The following AFF3 variants were observed in gnomAD, a reference collection of about 807,000 sequenced individuals.
AFF3 encodes AF4/FMR2 family member 3.
A neutral mutation model predicts 129.7 loss-of-function variants in AFF3; 32 were observed. The ratio of observed to expected loss-of-function variants is 0.25; its 90% CI spans 0.19 to 0.33. The LOEUF is 0.33. AFF3 is among the 10% of genes least tolerant of loss of function. The pLI is 1.00. For missense variants in AFF3, 1,373 were observed against 1,592.0 expected, an observed-to-expected ratio of 0.86 and a Z score of 2.34; for synonymous variants, 644 against 635.4, an observed-to-expected ratio of 1.01 and a Z score of -0.20.
intron 8 of AFF3, among the ~76,000 whole-genome samples, chr2:99,813,955 A>G (rs1445187790): frequency 2.0e-5 from 3 of 152,194 alleles, no homozygotes; most frequent in Admixed American, 1.3e-4. Flanking sequence ...TTTCTGACTA[A>G]GAGCAAACAA....
At chr2:100,003,326 G>T (rs551278462) in intron 7 of AFF3, among the ~76,000 whole-genome samples, 1 of 152,208 alleles carries the variant, frequency 6.6e-6, no homozygotes, top group Non-Finnish European at 1.5e-5. Context: ...GTGTGTGTGT[G>T]AACAAAAAAT....
At chr2:100,104,686 G>T (rs1474904453) in intron 3 of AFF3, 168 bp from the exon 4 acceptor site, 2 of 968,934 alleles carry the variant, frequency 2.1e-6, no homozygotes, top group African/African-American at 3.9e-5. Flanking sequence ...CGGCTTGCGC[G>T]CAGGCACACT....
At chr2:99,788,532 G>A (rs531835226) in intron 8 of AFF3, among the ~76,000 whole-genome samples, 5 of 152,300 alleles carry the variant, frequency 3.3e-5, no homozygotes, top group East Asian at 3.9e-4. Context: ...TTGAATAGTC[G>A]TACAGTGTTG....
chr2:99,928,615 A>T (rs916775127), intron 7 of AFF3, among the ~76,000 whole-genome samples: 2 of 152,226 alleles, frequency 1.3e-5, no homozygotes, highest in Non-Finnish European at 2.9e-5. Context: ...GTGTAAACTA[A>T]GTTAGGTTCC....
At chr2:99,587,088 T>C (rs111480469) in intron 16 of AFF3, 66 bp downstream of exon 16, 4 of 1,600,724 alleles carry the variant, frequency 2.5e-6, no homozygotes, top group Middle Eastern at 2.1e-4. Flanking sequence ...TCCTCCAACA[T>C]AGCAGGTGAC....
intron 8 of AFF3, among the ~76,000 whole-genome samples, chr2:99,763,156 T>G (rs939372621): frequency 3.9e-5 from 6 of 152,210 alleles, no homozygotes; most frequent in Non-Finnish European, 7.3e-5. Context: ...CAGTGTGCAT[T>G]CTGCCTGTCA....
Position 100,007,270 on chromosome 2 carries a change from G to A in AFF3, c.365C>T (p.Pro122Leu). Reference protein sequence around the residue: ...FVADSRAQNQPSSICSTTTST... With the variant: ...FVADSRAQNQLSSICSTTTST... ...AGTTGTAGTGCTACAGATAGACGAG[G>A]GCTGGTTCTGGGCTCTTGAATCTGC... Residue 122 changes from proline (P) to leucine (L), a missense_variant, in exon 6 of 25, where the codon CCC (proline) becomes CTC (leucine). This residue lies in a region of AFF3 where 255 missense variants were observed against 256.0 expected (regional missense o/e 1.00). Transcript: ENST00000672756. 2 of 1,614,024 alleles carry A rather than the reference G, an allele frequency of 1.2e-6. No individual in the cohort carries two copies. Among genetic ancestry groups the A allele is most frequent in the Non-Finnish European group, 1.7e-6 (2 of 1,180,018 alleles).
chr2:99,797,979 A>G (rs1205811727), intron 8 of AFF3, among the ~76,000 whole-genome samples: 2 of 152,072 alleles, frequency 1.3e-5, no homozygotes, highest in African/African-American at 2.4e-5. Context: ...AATAAAGAGA[A>G]CTGAAAAATG....
chr2:99,611,706 G>C (rs887759229), intron 13 of AFF3, among the ~76,000 whole-genome samples: 1 of 152,054 alleles, frequency 6.6e-6, no homozygotes, highest in Non-Finnish European at 1.5e-5. Flanking sequence ...GGCCAACATG[G>C]TAAAACCCCA....
intron 4 of AFF3, among the ~76,000 whole-genome samples, chr2:100,062,176 T>C (rs1467781651): frequency 1.3e-5 from 2 of 152,084 alleles, no homozygotes; most frequent in African/African-American, 4.8e-5. Flanking sequence ...GCAGATCTCA[T>C]AAAATCAGAA....
At chr2:99,923,153 C>A (rs1462043082) in intron 7 of AFF3, among the ~76,000 whole-genome samples, 1 of 152,164 alleles carries the variant, frequency 6.6e-6, no homozygotes, top group Non-Finnish European at 1.5e-5. Flanking sequence ...GGAAGCACAG[C>A]AGTACTGAGC....
chr2:99,823,716 A>T (rs974542872), intron 8 of AFF3, among the ~76,000 whole-genome samples: 3 of 152,244 alleles, frequency 2.0e-5, no homozygotes, highest in African/African-American at 7.2e-5. Context: ...GCCCTTCAAC[A>T]GTGGACTGGA....
chr2:99,758,111 T>A (rs546157913), intron 8 of AFF3, among the ~76,000 whole-genome samples: 2 of 152,300 alleles, frequency 1.3e-5, no homozygotes, highest in South Asian at 4.1e-4. Flanking sequence ...CTGCAGTGTG[T>A]CTACCTTTCT....
intron 12 of AFF3, among the ~76,000 whole-genome samples, chr2:99,649,901 G>C (rs1375411379): frequency 6.6e-6 from 1 of 151,958 alleles, no homozygotes; most frequent in Admixed American, 6.6e-5. Flanking sequence ...GCAACTAGGG[G>C]ATGAGTTTGT....
intron 7 of AFF3, among the ~76,000 whole-genome samples, chr2:99,947,643 G>T (rs1675755955): frequency 6.6e-6 from 1 of 151,096 alleles, no homozygotes; most frequent in South Asian, 2.1e-4. Flanking sequence ...TAGATAGATA[G>T]ATAGATAGAT....
intron 7 of AFF3, among the ~76,000 whole-genome samples, chr2:99,893,493 C>G (rs138365378): frequency 6.6e-6 from 1 of 152,312 alleles, no homozygotes; most frequent in Non-Finnish European, 1.5e-5. Flanking sequence ...AGGCGGAGCC[C>G]TTGTGATGAG....
intron 13 of AFF3, among the ~76,000 whole-genome samples, chr2:99,615,290 G>A (rs1681308834): frequency 6.6e-6 from 1 of 152,256 alleles, no homozygotes; most frequent in Non-Finnish European, 1.5e-5. Context: ...AAAGCCCTGT[G>A]TTGGCTTGGC....
chr2:99,891,736 G>A (rs113838131), intron 7 of AFF3, among the ~76,000 whole-genome samples: 1 of 152,286 alleles, frequency 6.6e-6, no homozygotes, highest in African/African-American at 2.4e-5. Flanking sequence ...TGTGTGGAAG[G>A]GCTTTTCCCA....
At chr2:99,591,362 A>G (rs1262843908) in intron 15 of AFF3, among the ~76,000 whole-genome samples, 1 of 151,722 alleles carries the variant, frequency 6.6e-6, no homozygotes, top group Non-Finnish European at 1.5e-5. Context: ...AATTTTTTGT[A>G]TTTTAGTAGA....
Sources: gnomAD v4.1 joint callset for allele counts (sites outside exome capture counted in the v4.1 genomes callset) on GRCh38, gnomAD v4.1.1 for gene constraint, gnomAD v4.1.1 regional missense constraint, MANE v1.5 for transcripts, NCBI Gene and HGNC (gene_info 2026-07-23, HGNC 2026-07-21) for gene names.